The following PLA2G12A variants were observed in gnomAD, a reference collection of about 807,000 sequenced individuals.
The protein encoded by PLA2G12A is group XIIA secretory phospholipase A2.
Under a neutral mutation model 16.0 loss-of-function variants are expected in PLA2G12A, and 11 were observed. The ratio of observed to expected loss-of-function variants is 0.69; its 90% CI spans 0.43 to 1.13. The LOEUF is 1.13. Among genes scored for constraint, PLA2G12A ranks in the 50% most tolerant of loss-of-function variants. PLA2G12A has a pLI of 0.00. For synonymous variants in PLA2G12A, 77 were observed against 93.8 expected (o/e 0.82, Z 1.03); for missense variants, 214 against 237.3 (o/e 0.90, Z 0.65).
In PLA2G12A at chr4:109,730,034, G is replaced by A. The variant is rs1298074135; in HGVS notation, c.-225C>T. 4.2e-6 allele frequency: 2 copies of A among 477,734 alleles called. No individual in the cohort carries two copies. The highest frequency in any genetic ancestry group is 4.4e-5 in the Admixed American group (1 of 22,590). The allele number at this position is 477,734 out of a possible 1,614,324, so 29.6% of individuals were successfully genotyped here. A position where few individuals can be genotyped will look rare whatever the true frequency, so the allele number is the denominator to read the frequency against. ...GACGCGCCCGCTCACCTGGACCAGC[G>A]CGCCCGCTCACCTGGGCCAGCAACC... On this transcript the variant is annotated 5_prime_UTR_variant, in exon 1 of 4. Transcript: ENST00000243501.
chr4:109,717,076 G>C (rs1006128138), intron 3 of PLA2G12A, among the ~76,000 whole-genome samples: 1 of 152,162 alleles, frequency 6.6e-6, no homozygotes, highest in African/African-American at 2.4e-5. Flanking sequence ...CATCTGCTAC[G>C]AACTAGAAAA....
At chr4:109,717,805 A>G in intron 2 of PLA2G12A, 92 bp from the exon 3 acceptor site, 1 of 1,232,046 alleles carries the variant, frequency 8.1e-7, no homozygotes, top group Non-Finnish European at 1.2e-6. Flanking sequence ...TATAAATGAT[A>G]ATGACTGCTG....
At position 109,710,974 on chromosome 4, in the gene PLA2G12A, G is replaced by A. The variant is rs1730714577; in HGVS notation, c.*3403C>T. ...TATGTCAAAAGATTTTAAAGAGACAGGCATCATTTGAAGGCAGTATTATTT... is the reference window on the plus strand; with the variant it reads ...TATGTCAAAAGATTTTAAAGAGACAAGCATCATTTGAAGGCAGTATTATTT... On this transcript the variant is annotated 3_prime_UTR_variant, in exon 4 of 4. Transcript: ENST00000243501. The A allele has an allele frequency of 6.6e-6, 1 of 151,426 alleles. No homozygotes were observed. The highest frequency in any genetic ancestry group is 2.4e-5 in the African/African-American group (1 of 41,058). 9.4% of individuals were successfully genotyped at this position (151,426 alleles called of 1,614,324 possible).
chr4:109,728,608 T>C (rs188403260), intron 1 of PLA2G12A, among the ~76,000 whole-genome samples: 2 of 152,342 alleles, frequency 1.3e-5, no homozygotes, highest in East Asian at 3.9e-4. Flanking sequence ...TTTACTTCTA[T>C]TAACATAAAA....
At position 109,713,618 on chromosome 4, in the gene PLA2G12A, G is replaced by C. The variant is rs1730773252; in HGVS notation, c.*759C>G. ...TAACTTGGCAAAGGTTATAGCAAAA[G>C]ATGACATTTGTCATGTGAGTAGCTC... On this transcript the variant is annotated 3_prime_UTR_variant, in exon 4 of 4. Transcript: ENST00000243501. 6.6e-6 allele frequency: 1 copy of C among 152,194 alleles called. No homozygotes were observed. Among genetic ancestry groups the C allele is most frequent in the African/African-American group, 2.4e-5 (1 of 41,436 alleles). The allele number at this position is 152,194 out of a possible 1,614,324, so 9.4% of individuals were successfully genotyped here.
intron 1 of PLA2G12A, among the ~76,000 whole-genome samples, chr4:109,724,827 T>C (rs950068312): frequency 1.3e-5 from 2 of 152,120 alleles, no homozygotes; most frequent in Non-Finnish European, 2.9e-5. Context: ...AGAAGAAAAG[T>C]TGATAAAAAT....
At chr4:109,721,781 T>G (rs1227991356) in intron 1 of PLA2G12A, among the ~76,000 whole-genome samples, 1 of 152,210 alleles carries the variant, frequency 6.6e-6, no homozygotes, top group Non-Finnish European at 1.5e-5. Flanking sequence ...ACAGTAATTC[T>G]GTCCTTCCAG....
intron 2 of PLA2G12A, 28 bp downstream of exon 2, chr4:109,718,655 A>C (rs1730869166): frequency 4.4e-5 from 66 of 1,509,182 alleles, no homozygotes; most frequent in Non-Finnish European, 5.9e-5. Context: ...CCAGTTACAA[A>C]ACTTATCAAA....
chr4:109,717,637 T>C lies in PLA2G12A; in HGVS notation c.362A>G (p.Lys121Arg). The C allele has an allele frequency of 6.2e-7, 1 of 1,613,878 alleles. No homozygotes were observed. Among genetic ancestry groups the C allele is most frequent in the Non-Finnish European group, 8.5e-7 (1 of 1,179,712 alleles). ...DRCYETCGKS[K>R]NDCDEEFQYC... ...CTGGAATTCTTCATCACAGTCATTC[T>C]TGCTTTTGCCACAGGTCTCATAGCA... Residue 121 changes from lysine to arginine, a missense_variant, in exon 3 of 4, where the codon AAG (lysine) becomes AGG (arginine). Lys to Arg is a conservative substitution (Grantham distance 26). Transcript: ENST00000243501.
At position 109,729,582 on chromosome 4, in the gene PLA2G12A, G is replaced by C; in HGVS notation, c.208+20C>G. ...TCCCCCGAAAGCACGAGCCCTCGCT[G>C]GGCCCGGGTGCCCCCTCACCGTCAC... On this transcript the variant is annotated intron_variant, in intron 1 of 3. Transcript: ENST00000243501. The C allele has an allele frequency of 6.2e-7, 1 of 1,600,658 alleles. No homozygotes were observed. The highest frequency in any genetic ancestry group is 1.3e-5 in the African/African-American group (1 of 74,686).
In PLA2G12A at chr4:109,711,596, C is replaced by A. The variant is rs557251455; in HGVS notation, c.*2781G>T. 1 of 152,138 alleles carries A rather than the reference C, an allele frequency of 6.6e-6. No individual in the cohort carries two copies. 9.4% of individuals were successfully genotyped at this position (152,138 alleles called of 1,614,324 possible). On this transcript the variant is annotated 3_prime_UTR_variant, in exon 4 of 4. Transcript: ENST00000243501. The stretch of plus-strand genomic sequence containing the variant: ...AATACAAAATATACATGAGTCCATA[C>A]TGATGTAAACAAATTAGGGTGGGAG...
Position 109,730,026 on chromosome 4 carries a change from G to A in PLA2G12A, c.-217C>T, listed in dbSNP as rs1030014080. On this transcript the variant is annotated 5_prime_UTR_variant, in exon 1 of 4. Transcript: ENST00000243501. ...GTCGCGGGGACGCGCCCGCTCACCT[G>A]GACCAGCGCGCCCGCTCACCTGGGC... 6.1e-6 allele frequency: 3 copies of A among 488,436 alleles called. No individual in the cohort carries two copies. The highest frequency in any genetic ancestry group is 2.1e-5 in the African/African-American group (1 of 47,676). The allele number at this position is 488,436 out of a possible 1,614,324, so 30.3% of individuals were successfully genotyped here.
rs1290720721 is a variant in PLA2G12A, at chr4:109,717,495, T to C, written c.451+53A>G. On this transcript the variant is annotated intron_variant, in intron 3 of 3. Coordinates refer to ENST00000243501, the MANE Select transcript of PLA2G12A (RefSeq NM_030821.5). ...AATCCTATACTAAAACATAGAGCAT[T>C]TGATACAACTTTAAAAAGTACACTC... 7 of 1,532,292 alleles carry C rather than the reference T, an allele frequency of 4.6e-6. No individual in the cohort carries two copies. The Admixed American group carries it at 8.6e-5, about 19-fold the overall frequency. The allele number at this position is 1,532,292 out of a possible 1,614,324, so 94.9% of individuals were successfully genotyped here. A position where few individuals can be genotyped will look rare whatever the true frequency, so the allele number is the denominator to read the frequency against.
intron 1 of PLA2G12A, among the ~76,000 whole-genome samples, chr4:109,720,835 G>C (rs1730927105): frequency 6.6e-6 from 1 of 151,768 alleles, no homozygotes; most frequent in African/African-American, 2.4e-5. Context: ...TTGGGAGGCT[G>C]AGGCAGGTGT....
At chr4:109,725,563 G>A (rs1431729570) in intron 1 of PLA2G12A, among the ~76,000 whole-genome samples, 4 of 152,080 alleles carry the variant, frequency 2.6e-5, no homozygotes, top group African/African-American at 4.8e-5. Flanking sequence ...ATTTGTAAGC[G>A]GATACAAACC....
chr4:109,723,363 C>T (rs539653675), intron 1 of PLA2G12A, among the ~76,000 whole-genome samples: 2 of 152,256 alleles, frequency 1.3e-5, no homozygotes, highest in Admixed American at 1.3e-4. Flanking sequence ...TTCTCGACTG[C>T]TGAGCAGTTT....
chr4:109,729,888 C>A lies in PLA2G12A; in HGVS notation c.-79G>T. ...CACAGAGTCCCCAGGACGCGCTAGG[C>A]AGCGGCGCGGGCCCCGGACTTGGCA... is the stretch of plus-strand genomic sequence containing the variant. On this transcript the variant is annotated 5_prime_UTR_variant, in exon 1 of 4. Coordinates refer to ENST00000243501, the MANE Select transcript of PLA2G12A (RefSeq NM_030821.5). The A allele has an allele frequency of 2.3e-6, 3 of 1,307,086 alleles. No homozygotes were observed. The allele number at this position is 1,307,086 out of a possible 1,614,324, so 81.0% of individuals were successfully genotyped here.
chr4:109,723,167 A>C (rs1722844422), intron 1 of PLA2G12A, among the ~76,000 whole-genome samples: 1 of 152,074 alleles, frequency 6.6e-6, no homozygotes, highest in Non-Finnish European at 1.5e-5. Flanking sequence ...AAACAGCCTA[A>C]CACAGTATGT....
At position 109,730,022 on chromosome 4, in the gene PLA2G12A, ACCTGG is replaced by A. The variant is rs1723025043; in HGVS notation, c.-218_-214del. 1 of 494,874 alleles carries A rather than the reference ACCTGG, an allele frequency of 2.0e-6. No individual in the cohort carries two copies. The highest frequency in any genetic ancestry group is 3.5e-6 in the Non-Finnish European group (1 of 285,440). 30.7% of individuals were successfully genotyped at this position (494,874 alleles called of 1,614,324 possible). ...CGCCGTCGCGGGGACGCGCCCGCTCACCTGGACCAGCGCGCCCGCTCACCTGGGCC... is the reference window on the plus strand; with the variant it reads ...CGCCGTCGCGGGGACGCGCCCGCTCAACCAGCGCGCCCGCTCACCTGGGCC... On this transcript the variant is annotated 5_prime_UTR_variant, in exon 1 of 4. Coordinates refer to ENST00000243501, the MANE Select transcript of PLA2G12A (RefSeq NM_030821.5).
Sources: allele counts gnomAD v4.1 joint callset (sites outside exome capture counted in the v4.1 genomes callset), GRCh38; gene constraint gnomAD v4.1.1; transcripts MANE v1.5; gene names NCBI Gene and HGNC (gene_info 2026-07-23, HGNC 2026-07-21).